The following ITPR2 variants were observed in gnomAD, a reference collection of about 807,000 sequenced individuals.
ITPR2 encodes inositol 1,4,5-trisphosphate-gated calcium channel ITPR2.
A neutral mutation model predicts 317.1 loss-of-function variants in ITPR2; 207 were observed. The ratio of observed to expected loss-of-function variants is 0.65; its 90% confidence interval spans 0.58 to 0.73. The LOEUF is 0.73. ITPR2 is among the 30% of genes least tolerant of loss of function. The pLI is 0.00. For synonymous variants in ITPR2, 1,156 were observed against 1,149.1 expected, an observed-to-expected ratio of 1.01 and a Z score of -0.12; for missense variants, 2,613 against 3,284.0, an observed-to-expected ratio of 0.80 and a Z score of 4.99.
At chr12:26,530,878 C>T (rs1943926619) in intron 37 of ITPR2, among the ~76,000 whole-genome samples, 1 of 152,150 alleles carries the variant, frequency 6.6e-6, no homozygotes, top group Non-Finnish European at 1.5e-5. Flanking sequence ...ATAAAAATTA[C>T]ATTCAGCAAA....
chr12:26,745,901 T>C (rs1157964625), intron 2 of ITPR2, among the ~76,000 whole-genome samples: 1 of 152,200 alleles, frequency 6.6e-6, no homozygotes, highest in Non-Finnish European at 1.5e-5. Context: ...ACCTCATTTT[T>C]CCAAGAAGTC....
chr12:26,360,879 A>AT (rs1005396548), intron 55 of ITPR2, among the ~76,000 whole-genome samples: 25 of 150,216 alleles, frequency 1.7e-4, no homozygotes, highest in Non-Finnish European at 2.2e-4. Flanking sequence ...AAGTTTACCA[A>AT]TTTTTTTTTT....
intron 55 of ITPR2, among the ~76,000 whole-genome samples, chr12:26,380,793 A>G (rs1939486814): frequency 6.6e-6 from 1 of 152,220 alleles, no homozygotes; most frequent in Non-Finnish European, 1.5e-5. Flanking sequence ...CTCCCCTCCA[A>G]CAGTTACTGC....
chr12:26,782,071 G>GAGCGAGCA (rs1555190879), intron 2 of ITPR2, among the ~76,000 whole-genome samples: 2 of 105,652 alleles, frequency 1.9e-5, no homozygotes, highest in African/African-American at 6.5e-5. Flanking sequence ...GAGAGAGAGA[G>GAGCGAGCA]AGCGAGAGAG....
intron 15 of ITPR2, among the ~76,000 whole-genome samples, chr12:26,661,233 T>G (rs1287779472): frequency 7.9e-6 from 1 of 126,536 alleles, no homozygotes; most frequent in East Asian, 2.5e-4. Context: ...TGCATAAACA[T>G]GTACCTGAAA....
At chr12:26,559,549 CCTAATA>C (rs60082855) in intron 35 of ITPR2, among the ~76,000 whole-genome samples, 1 of 151,784 alleles carries the variant, frequency 6.6e-6, no homozygotes, top group Admixed American at 6.6e-5. Context: ...GACATCACCT[CCTAATA>C]CTAATACTAA....
At chr12:26,702,659 T>G (rs1592053295) in intron 9 of ITPR2, among the ~76,000 whole-genome samples, 1 of 152,030 alleles carries the variant, frequency 6.6e-6, no homozygotes, top group Non-Finnish European at 1.5e-5. Context: ...AGGCTAGTCT[T>G]GAACTCCTGA....
At chr12:26,717,935 A>G (rs564022920) in intron 5 of ITPR2, among the ~76,000 whole-genome samples, 2 of 152,236 alleles carry the variant, frequency 1.3e-5, no homozygotes, top group Non-Finnish European at 2.9e-5. Context: ...TGCACATGAC[A>G]GCAAGGCAGC....
At chr12:26,471,374 A>G (rs567751846) in intron 45 of ITPR2, among the ~76,000 whole-genome samples, 1 of 152,354 alleles carries the variant, frequency 6.6e-6, no homozygotes, top group South Asian at 2.1e-4. Context: ...AAAAGAATAT[A>G]AAAGACCAAG....
rs761898482 is a variant in ITPR2 at position 26,495,208 on chromosome 12, C to T, written c.5126G>A (p.Ser1709Asn). 1 of 1,609,776 alleles carries T rather than the reference C, an allele frequency of 6.2e-7. No homozygotes were observed. Among genetic ancestry groups the T allele is most frequent in the Non-Finnish European group, 8.5e-7 (1 of 1,176,102 alleles). Residue 1709 changes from serine (S) to asparagine (N), a missense_variant, in exon 38 of 57, where the codon AGT becomes AAT. Physicochemically the swap from Ser to Asn is conservative, Grantham distance 46. Around this residue, in one of 9 missense-constraint regions of ITPR2, gnomAD observed 926 missense variants for 1,072.8 expected, o/e 0.86. Coordinates refer to ENST00000381340, the MANE Select transcript of ITPR2 (RefSeq NM_002223.4). ...LLNRYFKGDY[S>N]IGVNGHLSGA... ...TGATAGGTGTCCATTCACACCAATA[C>T]TATAATCACCTTTAAAGTATCGATT...
chr12:26,567,484 A>G (rs1945009361), intron 34 of ITPR2, among the ~76,000 whole-genome samples: 1 of 152,178 alleles, frequency 6.6e-6, no homozygotes, highest in Non-Finnish European at 1.5e-5. Context: ...GAACTGTACA[A>G]TGAAAATTAG....
intron 48 of ITPR2, among the ~76,000 whole-genome samples, chr12:26,434,925 CA>C (rs1238132832): frequency 6.6e-6 from 1 of 152,158 alleles, no homozygotes; most frequent in Non-Finnish European, 1.5e-5. Context: ...CAAAGGAGAC[CA>C]AACACAATGA....
At chr12:26,688,295 C>A (rs1948168210) in intron 10 of ITPR2, among the ~76,000 whole-genome samples, 1 of 152,142 alleles carries the variant, frequency 6.6e-6, no homozygotes, top group Non-Finnish European at 1.5e-5. Context: ...CCCTGCTTGG[C>A]CTCCCAAAGG....
intron 2 of ITPR2, among the ~76,000 whole-genome samples, chr12:26,735,358 A>G (rs921988937): frequency 1.3e-5 from 2 of 152,268 alleles, no homozygotes; most frequent in East Asian, 3.9e-4. Context: ...ATGGAATGAA[A>G]TTGAATTGAA....
chr12:26,514,262 A>G (rs1017170905), intron 37 of ITPR2, among the ~76,000 whole-genome samples: 1 of 152,260 alleles, frequency 6.6e-6, no homozygotes, highest in Non-Finnish European at 1.5e-5. Flanking sequence ...ATTGAAGGAT[A>G]GCACTGGCTG....
chr12:26,481,291 CA>C (rs1315561966), intron 42 of ITPR2, 50 bp from the exon 43 acceptor site: 8 of 1,054,094 alleles, frequency 7.6e-6, no homozygotes, highest in Non-Finnish European at 1.2e-5. Context: ...AACAGAATAG[CA>C]CTAGAACTAA....
chr12:26,596,829 C>T (rs1022623339), intron 31 of ITPR2, 54 bp downstream of exon 31: 73 of 1,464,850 alleles, frequency 5.0e-5, no homozygotes, highest in Non-Finnish European at 6.5e-5. Context: ...CCTAGATAAA[C>T]TTCAAAAATT....
Position 26,682,557 on chromosome 12 carries a change from T to C in ITPR2, c.1248+17A>G, listed in dbSNP as rs1263852092. The C allele has an allele frequency of 6.6e-7, 1 of 1,521,068 alleles. No individual in the cohort carries two copies. Among genetic ancestry groups the C allele is most frequent in the Non-Finnish European group, 9.1e-7 (1 of 1,101,532 alleles). 94.2% of individuals were successfully genotyped at this position (1,521,068 alleles called of 1,614,324 possible). On this transcript the variant is annotated intron_variant, in intron 12 of 56. Coordinates refer to ENST00000381340, the MANE Select transcript of ITPR2 (RefSeq NM_002223.4). ...TGGCATTTGGCTGAAAATTAAACCA[T>C]CTTCAGTGACATTTACCTTTAACAT...
At chr12:26,482,182 T>C (rs1292198549) in intron 42 of ITPR2, among the ~76,000 whole-genome samples, 2 of 152,218 alleles carry the variant, frequency 1.3e-5, no homozygotes, top group Non-Finnish European at 2.9e-5. Context: ...AGGTGTTTTC[T>C]ACCCATCTCC....
Sources: allele counts gnomAD v4.1 joint callset (sites outside exome capture counted in the v4.1 genomes callset), GRCh38; gene constraint gnomAD v4.1.1; regional missense constraint gnomAD v4.1.1; transcripts MANE v1.5; gene names NCBI Gene and HGNC (gene_info 2026-07-23, HGNC 2026-07-21).